The following OPCML variants were observed in gnomAD, a reference collection of about 807,000 sequenced individuals.
The protein encoded by OPCML is opioid binding protein/cell adhesion molecule like.
A neutral mutation model predicts 37.8 loss-of-function variants in OPCML; 13 were observed. The observed-to-expected ratio is 0.34, with a 90% confidence interval of 0.22 to 0.55. The LOEUF is 0.55. Among genes scored for constraint, OPCML ranks in the 20% least tolerant of loss-of-function variants. The pLI, the probability that OPCML is intolerant of heterozygous loss-of-function variation, is 0.91. For synonymous variants in OPCML, 176 were observed against 168.8 expected (o/e 1.04, Z -0.33); for missense variants, 341 against 435.6 (o/e 0.78, Z 1.93).
At chr11:132,736,799 A>T (rs1945274338) in intron 2 of OPCML, among the ~76,000 whole-genome samples, 1 of 152,142 alleles carries the variant, frequency 6.6e-6, no homozygotes, top group African/African-American at 2.4e-5. Context: ...CCATTGACAT[A>T]TTGACTACAA....
At chr11:132,615,006 AACATATAAATAATGC>A (rs1463818610) in intron 3 of OPCML, among the ~76,000 whole-genome samples, 1 of 152,250 alleles carries the variant, frequency 6.6e-6, no homozygotes, top group Non-Finnish European at 1.5e-5. Context: ...ACATTTATTG[AACATATAAATAATGC>A]ACATGTATTT....
chr11:133,523,586 A>T lies in OPCML; in HGVS notation c.61+8678T>A, dbSNP rs116476372. On this transcript the variant is annotated intron_variant, in intron 1 of 7. Coordinates refer to ENST00000524381, the MANE Select transcript of OPCML (RefSeq NM_001012393.5). ...ACTGCAACAAGAACAAGAATAAAAA[A>T]TGTAAATCATGAATCACATCAACAG... is the stretch of plus-strand genomic sequence containing the variant. Among the ~76,000 whole-genome samples the T allele has an allele frequency of 9.3e-3, 1,420 of 152,328 alleles. 25 individuals are homozygous for T. The highest frequency in any genetic ancestry group is 0.032 in the African/African-American group (1,345 of 41,568).
At chr11:132,669,693 A>G (rs1942375638) in intron 2 of OPCML, among the ~76,000 whole-genome samples, 1 of 152,216 alleles carries the variant, frequency 6.6e-6, no homozygotes, top group Non-Finnish European at 1.5e-5. Flanking sequence ...AGGCAAAGCC[A>G]TTTCTGAAGC....
At chr11:132,811,239 A>G (rs911668790) in intron 2 of OPCML, among the ~76,000 whole-genome samples, 2 of 152,154 alleles carry the variant, frequency 1.3e-5, no homozygotes, top group African/African-American at 2.4e-5. Flanking sequence ...TGTGGTCATT[A>G]TTCTCTCCAT....
intron 3 of OPCML, among the ~76,000 whole-genome samples, chr11:132,616,176 G>GTTTTA (rs2137882011): frequency 1.3e-5 from 2 of 152,296 alleles, no homozygotes; most frequent in East Asian, 3.9e-4. Context: ...CTTTCAGTGT[G>GTTTTA]TTTTAAAATG....
chr11:133,427,598 G>A (rs1464103334), intron 1 of OPCML, among the ~76,000 whole-genome samples: 1 of 151,862 alleles, frequency 6.6e-6, no homozygotes, highest in Non-Finnish European at 1.5e-5. Context: ...TGATAATGAA[G>A]CCACAACAAC....
chr11:132,574,923 T>C (rs1342332840), intron 3 of OPCML, among the ~76,000 whole-genome samples: 1 of 152,038 alleles, frequency 6.6e-6, no homozygotes, highest in Non-Finnish European at 1.5e-5. Flanking sequence ...TGTGCTTTAC[T>C]TATTTAGGTG....
intron 1 of OPCML, among the ~76,000 whole-genome samples, chr11:133,055,395 C>A (rs568679525): frequency 6.7e-6 from 1 of 149,676 alleles, no homozygotes; most frequent in East Asian, 2.1e-4. Context: ...GGTGAGACCC[C>A]ATGAGGGAGA....
rs111511711 is a variant in OPCML at position 133,278,932 on chromosome 11, C to T, written c.61+253332G>A. 3.7e-3 allele frequency among the ~76,000 whole-genome samples: 566 copies of T among 152,200 alleles called. 3 individuals carry two copies. Among genetic ancestry groups the T allele is most frequent in the African/African-American group, 0.013 (545 of 41,506 alleles). ...TTTAAGTAACTTGACCACTTTCATG[C>T]GCCTAATCAAGAGGAGAAGAGGAAT... On this transcript the variant is annotated intron_variant, in intron 1 of 7. Coordinates refer to ENST00000524381, the MANE Select transcript of OPCML (RefSeq NM_001012393.5).
chr11:132,922,451 C>T (rs888026072), intron 2 of OPCML, among the ~76,000 whole-genome samples: 12 of 152,062 alleles, frequency 7.9e-5, no homozygotes, highest in African/African-American at 2.4e-4. Context: ...CAGAGAAAGC[C>T]ACAGGAGCAA....
chr11:132,840,187 T>C (rs1445525803), intron 2 of OPCML, among the ~76,000 whole-genome samples: 1 of 152,164 alleles, frequency 6.6e-6, no homozygotes, highest in Non-Finnish European at 1.5e-5. Flanking sequence ...ACAAAACTTC[T>C]GACGGCATTT....
chr11:132,970,405 C>T (rs993198832), intron 1 of OPCML, among the ~76,000 whole-genome samples: 1 of 152,030 alleles, frequency 6.6e-6, no homozygotes. Context: ...AAAAAAACCC[C>T]AGCTTTTCCT....
intron 2 of OPCML, among the ~76,000 whole-genome samples, chr11:132,900,327 C>A (rs1277226230): frequency 1.3e-5 from 2 of 152,126 alleles, no homozygotes; most frequent in African/African-American, 4.8e-5. Flanking sequence ...GATATGCAGT[C>A]TATCACCAAG....
At chr11:133,227,753 C>T (rs1940098459) in intron 1 of OPCML, among the ~76,000 whole-genome samples, 1 of 152,180 alleles carries the variant, frequency 6.6e-6, no homozygotes, top group African/African-American at 2.4e-5. Flanking sequence ...AGACAGCAGC[C>T]AGGAGGCCAC....
At chr11:133,374,734 T>C (rs1025120570) in intron 1 of OPCML, among the ~76,000 whole-genome samples, 1 of 152,224 alleles carries the variant, frequency 6.6e-6, no homozygotes, top group Non-Finnish European at 1.5e-5. Flanking sequence ...ATTTGCTCAT[T>C]ACCTACTGCA....
intron 1 of OPCML, among the ~76,000 whole-genome samples, chr11:133,520,848 G>A (rs1243068627): frequency 6.6e-6 from 1 of 152,134 alleles, no homozygotes; most frequent in African/African-American, 2.4e-5. Flanking sequence ...ACGTTCTCTG[G>A]CAGGGCTCAG....
rs115893089 is a variant in OPCML at position 133,251,965 on chromosome 11, G to C, written c.61+280299C>G. ...AGATTCTACCTAGAAACGCTGGTCTGATTTCACAGCTGTTGTGCAGGAGGG... is the reference window on the plus strand; with the variant it reads ...AGATTCTACCTAGAAACGCTGGTCTCATTTCACAGCTGTTGTGCAGGAGGG... On this transcript the variant is annotated intron_variant, in intron 1 of 7. Transcript: ENST00000524381. 5.1e-3 allele frequency among the ~76,000 whole-genome samples: 778 copies of C among 152,290 alleles called. 10 individuals are homozygous for C. The highest frequency in any genetic ancestry group is 0.018 in the African/African-American group (737 of 41,556).
At chr11:133,256,298 C>T (rs1189769929) in intron 1 of OPCML, among the ~76,000 whole-genome samples, 1 of 152,196 alleles carries the variant, frequency 6.6e-6, no homozygotes, top group African/African-American at 2.4e-5. Flanking sequence ...ACTCTCTGTG[C>T]TTCAGTTTTC....
intron 1 of OPCML, among the ~76,000 whole-genome samples, chr11:133,332,170 A>C (rs1409115174): frequency 6.6e-6 from 1 of 151,954 alleles, no homozygotes; most frequent in East Asian, 1.9e-4. Flanking sequence ...ATTTCTAGTT[A>C]TTTTATTTTA....
Sources: gnomAD v4.1 joint callset for allele counts (sites outside exome capture counted in the v4.1 genomes callset) on GRCh38, gnomAD v4.1.1 for gene constraint, MANE v1.5 for transcripts, NCBI Gene and HGNC (gene_info 2026-07-23, HGNC 2026-07-21) for gene names.